Variants in BMPER observed in about 807,000 individuals in gnomAD.
BMPER encodes BMP binding endothelial regulator, also known as BMP-binding endothelial regulator protein.
A neutral mutation model predicts 87.3 loss-of-function variants in BMPER; 45 were observed. The ratio of observed to expected loss-of-function variants is 0.52; its 90% CI spans 0.41 to 0.66. BMPER has a LOEUF of 0.66. Among genes scored for constraint, BMPER ranks in the 30% least tolerant of loss-of-function variants. The pLI is 0.00. For synonymous variants in BMPER, 326 were observed against 316.2 expected, an observed-to-expected ratio of 1.03 and a Z score of -0.33; for missense variants, 784 against 867.5, an observed-to-expected ratio of 0.90 and a Z score of 1.21.
At chr7:34,072,209 C>T (rs957147112) in intron 11 of BMPER, among the ~76,000 whole-genome samples, 10 of 152,154 alleles carry the variant, frequency 6.6e-5, no homozygotes, top group African/African-American at 1.9e-4. Flanking sequence ...AAGCATCTGG[C>T]GTGGTACTTG....
intron 3 of BMPER, among the ~76,000 whole-genome samples, chr7:33,958,425 T>G (rs1177258992): frequency 6.6e-6 from 1 of 152,192 alleles, no homozygotes; most frequent in African/African-American, 2.4e-5. Flanking sequence ...GTAAACACAT[T>G]TAGAACAGAG....
At chr7:34,113,245 G>A (rs1220523040) in intron 13 of BMPER, among the ~76,000 whole-genome samples, 3 of 151,578 alleles carry the variant, frequency 2.0e-5, no homozygotes, top group South Asian at 4.2e-4. Flanking sequence ...AAAGATATTA[G>A]CCTTTTATAG....
chr7:34,009,906 G>A (rs562267487), intron 6 of BMPER, among the ~76,000 whole-genome samples: 32 of 152,002 alleles, frequency 2.1e-4, no homozygotes, highest in African/African-American at 6.3e-4. Context: ...GAAAGTGACC[G>A]TCTTATATTT....
chr7:33,907,462 G>A (rs184491913), intron 2 of BMPER, among the ~76,000 whole-genome samples: 22 of 152,178 alleles, frequency 1.4e-4, no homozygotes, highest in Non-Finnish European at 7.4e-5. Context: ...AGCATGAGTC[G>A]GAAAGGACAA....
chr7:34,040,583 C>A (rs914302728), intron 6 of BMPER, among the ~76,000 whole-genome samples: 2 of 151,930 alleles, frequency 1.3e-5, no homozygotes, highest in African/African-American at 4.8e-5. Context: ...AGATTGAGCA[C>A]CCTGAATAGA....
At chr7:34,059,418 G>A (rs746673359) in intron 10 of BMPER, among the ~76,000 whole-genome samples, 1 of 152,006 alleles carries the variant, frequency 6.6e-6, no homozygotes, top group Non-Finnish European at 1.5e-5. Flanking sequence ...GGAGGTCAAC[G>A]TTCTTTATGT....
At chr7:34,087,294 G>A (rs1469222707) in intron 13 of BMPER, among the ~76,000 whole-genome samples, 1 of 152,136 alleles carries the variant, frequency 6.6e-6, no homozygotes, top group Non-Finnish European at 1.5e-5. Flanking sequence ...CTGACCTCTT[G>A]TCTAGTGAAA....
intron 14 of BMPER, among the ~76,000 whole-genome samples, chr7:34,144,906 A>T (rs535442446): frequency 6.6e-6 from 1 of 152,312 alleles, no homozygotes; most frequent in East Asian, 1.9e-4. Flanking sequence ...TGACTCCACA[A>T]TGTCTACATT....
intron 6 of BMPER, among the ~76,000 whole-genome samples, chr7:34,021,059 A>G (rs1244580559): frequency 2.0e-5 from 3 of 152,038 alleles, no homozygotes; most frequent in Admixed American, 2.0e-4. Context: ...CCTTGATGCA[A>G]AAGAAAATCA....
chr7:34,115,265 A>G (rs1219653989), intron 13 of BMPER, among the ~76,000 whole-genome samples: 1 of 152,234 alleles, frequency 6.6e-6, no homozygotes, highest in Non-Finnish European at 1.5e-5. Context: ...ATTTTAGGAG[A>G]GAGATAACTA....
intron 6 of BMPER, among the ~76,000 whole-genome samples, chr7:33,985,140 G>A (rs1785968923): frequency 6.6e-6 from 1 of 152,090 alleles, no homozygotes; most frequent in Non-Finnish European, 1.5e-5. Context: ...CACATATAAA[G>A]CATTGTATGA....
At chr7:34,003,598 A>G (rs975623736) in intron 6 of BMPER, among the ~76,000 whole-genome samples, 1 of 152,016 alleles carries the variant, frequency 6.6e-6, no homozygotes, top group African/African-American at 2.4e-5. Context: ...TAGTATTTTT[A>G]TGTAGGGCAT....
chr7:33,930,045 C>A (rs1784444871), intron 2 of BMPER, among the ~76,000 whole-genome samples: 1 of 152,166 alleles, frequency 6.6e-6, no homozygotes, highest in Non-Finnish European at 1.5e-5. Flanking sequence ...GTATATTGTG[C>A]AAAGGGCCAC....
At chr7:34,065,296 A>C (rs889122242) in intron 11 of BMPER, among the ~76,000 whole-genome samples, 1 of 135,080 alleles carries the variant, frequency 7.4e-6, no homozygotes, top group African/African-American at 2.9e-5. Context: ...TTTCAACCTC[A>C]GTCTTACTGA....
chr7:34,113,013 G>C (rs2160310), intron 13 of BMPER, among the ~76,000 whole-genome samples: 113,503 of 150,684 alleles, frequency 0.75, 43,494 homozygotes, highest in East Asian at 0.95. Context: ...CATTTTAAGA[G>C]ACTATATATA....
chr7:33,961,128 A>T (rs1785261315), intron 3 of BMPER, among the ~76,000 whole-genome samples: 1 of 152,194 alleles, frequency 6.6e-6, no homozygotes, highest in Admixed American at 6.5e-5. Context: ...TCGCAGGTTG[A>T]GATCTTCTGG....
chr7:34,129,618 G>GAGAA lies in BMPER; in HGVS notation c.1746-13609_1746-13608insAAGA, dbSNP rs1790511427. 2.1e-3 allele frequency among the ~76,000 whole-genome samples: 112 copies of GAGAA among 52,380 alleles called. 2 individuals are homozygous for GAGAA. The highest frequency in any genetic ancestry group is 9.1e-3 in the Middle Eastern group (1 of 110). The allele number at this position is 52,380 out of a possible 152,430, so 34.4% of individuals were successfully genotyped here. A position where few individuals can be genotyped will look rare whatever the true frequency, so the allele number is the denominator to read the frequency against. On this transcript the variant is annotated intron_variant, in intron 13 of 14. Coordinates refer to ENST00000649409, the MANE Select transcript of BMPER (RefSeq NM_001365308.1). ...AGAGAGAGAGAGAGAGAAAGAGAGA[G>GAGAA]AGAGAGAAAGAGAGAAAGAAAGAAA...
At chr7:33,995,145 A>T (rs185943074) in intron 6 of BMPER, among the ~76,000 whole-genome samples, 147 of 152,312 alleles carry the variant, frequency 9.7e-4, no homozygotes, top group East Asian at 6.2e-3. Flanking sequence ...ATATTCAAAG[A>T]TGCAAAAAGT....
intron 13 of BMPER, among the ~76,000 whole-genome samples, chr7:34,098,296 C>T (rs1267967462): frequency 6.6e-6 from 1 of 152,048 alleles, no homozygotes; most frequent in African/African-American, 2.4e-5. Context: ...CAGAGCTGCC[C>T]AAATTCTCTC....
Sources: gnomAD v4.1 joint callset for allele counts (sites outside exome capture counted in the v4.1 genomes callset) on GRCh38, gnomAD v4.1.1 for gene constraint, MANE v1.5 for transcripts, NCBI Gene and HGNC (gene_info 2026-07-23, HGNC 2026-07-21) for gene names.